LAMTOR1: variants seen among roughly 807,000 people sequenced by gnomAD.
LAMTOR1 encodes the protein late endosomal/lysosomal adaptor, MAPK and MTOR activator 1, also known as ragulator complex protein LAMTOR1.
LAMTOR1 carries 8 observed loss-of-function variants against 20.5 expected under a neutral mutation model. That is an observed-to-expected ratio of 0.39 (90% confidence interval 0.23 to 0.70). The LOEUF (loss-of-function observed/expected upper bound fraction) is 0.70, where lower values mean the gene tolerates loss of function less well. Ranked by LOEUF, LAMTOR1 falls within the 30% of genes least tolerant of loss-of-function variation. LAMTOR1 has a pLI of 0.43. For synonymous variants in LAMTOR1, 77 were observed against 80.9 expected (o/e 0.95, Z 0.26); for missense variants, 135 against 206.2 (o/e 0.65, Z 2.11).
At chr11:72,099,961 G>A (rs535716172) in intron 1 of LAMTOR1, among the ~76,000 whole-genome samples, 1 of 152,140 alleles carries the variant, frequency 6.6e-6, no homozygotes, top group Non-Finnish European at 1.5e-5. Flanking sequence ...GGTGTATCCT[G>A]ATCTGAGCAG....
intron 1 of LAMTOR1, among the ~76,000 whole-genome samples, chr11:72,101,289 G>A (rs559347760): frequency 1.4e-4 from 21 of 152,338 alleles, no homozygotes; most frequent in African/African-American, 4.6e-4. Flanking sequence ...GTCACATCAA[G>A]GTTTGTCTCT....
At chr11:72,101,163 GAAC>G (rs771154874) in intron 1 of LAMTOR1, among the ~76,000 whole-genome samples, 4 of 152,170 alleles carry the variant, frequency 2.6e-5, no homozygotes, top group African/African-American at 4.8e-5. Flanking sequence ...AAGATCAAGT[GAAC>G]AACAAGGTTA....
intron 1 of LAMTOR1, 113 bp downstream of exon 1, chr11:72,103,070 C>G (rs1313773141): frequency 2.2e-6 from 3 of 1,362,472 alleles, no homozygotes; most frequent in South Asian, 2.5e-5. Flanking sequence ...CTCCAGGCCT[C>G]CGTATTCAGT....
intron 1 of LAMTOR1, among the ~76,000 whole-genome samples, chr11:72,100,173 G>A (rs545969999): frequency 4.6e-5 from 7 of 152,242 alleles, no homozygotes; most frequent in South Asian, 2.1e-4. Flanking sequence ...GAAGTGCAAC[G>A]ACTGTATGAA....
At chr11:72,102,558 C>T (rs1003473819) in intron 1 of LAMTOR1, among the ~76,000 whole-genome samples, 8 of 152,220 alleles carry the variant, frequency 5.3e-5, no homozygotes, top group African/African-American at 1.7e-4. Context: ...CTTCCCGCTC[C>T]ATTTCTCTTT....
Position 72,098,366 on chromosome 11 carries a change from G to C in LAMTOR1, c.316C>G (p.Pro106Ala). 1 of 1,612,706 alleles carries C rather than the reference G, an allele frequency of 6.2e-7. No homozygotes were observed. Among genetic ancestry groups the C allele is most frequent in the Non-Finnish European group, 8.5e-7 (1 of 1,179,614 alleles). Residue 106 changes from proline to alanine, a missense_variant, in exon 4 of 5, where the codon CCA becomes GCA. By Grantham distance (27) the Pro-to-Ala change is conservative. Transcript: ENST00000278671. The stretch of plus-strand genomic sequence containing the variant: ...TGGCTGGTAAGAGACGGCAGCGGTG[G>C]CAGCTTCTTCCAATGGGTCAGGCTG... Reference protein sequence around the residue: ...SSSLTHWKKLPPLPSLTSQPH... With the variant: ...SSSLTHWKKLAPLPSLTSQPH...
chr11:72,101,632 G>A (rs1417175623), intron 1 of LAMTOR1, among the ~76,000 whole-genome samples: 1 of 152,212 alleles, frequency 6.6e-6, no homozygotes, highest in Non-Finnish European at 1.5e-5. Context: ...AGACAGAGAT[G>A]AGAGTCGGAG....
At chr11:72,098,890 A>G (rs1945335553) in intron 2 of LAMTOR1, 32 bp from the exon 3 acceptor site, 2 of 1,516,182 alleles carry the variant, frequency 1.3e-6, no homozygotes, top group Non-Finnish European at 1.8e-6. Context: ...ATGACATGAC[A>G]GGTGCTTCCG....
Position 72,097,351 on chromosome 11 carries a change from G to A in LAMTOR1, c.*471C>T, listed in dbSNP as rs953866439. 1 of 995,670 alleles carries A rather than the reference G, an allele frequency of 1.0e-6. No individual in the cohort carries two copies. Among genetic ancestry groups the A allele is most frequent in the Non-Finnish European group, 1.2e-6 (1 of 835,240 alleles). The allele number at this position is 995,670 out of a possible 1,614,324, so 61.7% of individuals were successfully genotyped here. ...ACCAAAACAAAAAAAGACCAAACAT[G>A]TAAAAACCCAGGGTTCTAGAAATAC... On this transcript the variant is annotated 3_prime_UTR_variant, in exon 5 of 5. Coordinates refer to ENST00000278671, the MANE Select transcript of LAMTOR1 (RefSeq NM_017907.3).
rs777446324 is a variant in LAMTOR1 at position 72,099,102 on chromosome 11, G to T, written c.188+9C>A. 34 of 1,610,622 alleles carry T rather than the reference G, an allele frequency of 2.1e-5. No individual in the cohort carries two copies. In the South Asian group the frequency reaches 3.8e-4, roughly 18 times the overall value. On this transcript the variant is annotated intron_variant, in intron 2 of 4. Transcript: ENST00000278671. ...AGCTCTGACCCAGGCCTGGTCCTCT[G>T]ACACTTACCTGGCTGTCTTGGCAAG...
At position 72,099,055 on chromosome 11, in the gene LAMTOR1, T is replaced by C. The variant is rs932886891; in HGVS notation, c.188+56A>G. ...GTCCTGAGCCTGGCTCCTTCTATCC[T>C]AGCCTTTAATATGGATAGAGGAGCT... is the stretch of plus-strand genomic sequence containing the variant. On this transcript the variant is annotated intron_variant, in intron 2 of 4. Coordinates refer to ENST00000278671, the MANE Select transcript of LAMTOR1 (RefSeq NM_017907.3). 51 of 1,603,392 alleles carry C rather than the reference T, an allele frequency of 3.2e-5. No individual in the cohort carries two copies. In the African/African-American group the frequency reaches 5.5e-4, roughly 17 times the overall value.
chr11:72,099,387 CT>C, intron 1 of LAMTOR1, 131 bp from the exon 2 acceptor site: 1 of 990,950 alleles, frequency 1.0e-6, no homozygotes, highest in Non-Finnish European at 1.4e-6. Flanking sequence ...AAGTGCCCAG[CT>C]TTATGGAATG....
chr11:72,099,071 T>C (rs559943473), intron 2 of LAMTOR1, 40 bp downstream of exon 2: 4 of 1,608,956 alleles, frequency 2.5e-6, no homozygotes, highest in African/African-American at 1.3e-5. Flanking sequence ...TTAATATGGA[T>C]AGAGGAGCTC....
chr11:72,098,240 C>T (rs1335808317), intron 4 of LAMTOR1, 49 bp downstream of exon 4: 1 of 1,610,180 alleles, frequency 6.2e-7, no homozygotes, highest in East Asian at 2.2e-5. Flanking sequence ...TCTGCCATAC[C>T]CTGGGCAGTG....
chr11:72,099,262 A>C lies in LAMTOR1; in HGVS notation c.43-6T>G. 10 of 1,553,334 alleles carry C rather than the reference A, an allele frequency of 6.4e-6. No homozygotes were observed. The highest frequency in any genetic ancestry group is 8.7e-6 in the Non-Finnish European group (10 of 1,147,228). On this transcript the variant is annotated splice_polypyrimidine_tract_variant and splice_region_variant and intron_variant, in intron 1 of 4. Transcript: ENST00000278671. ...AGCTTCCGCTCCTCTCGGTCCTAGA[A>C]GTGGTCATGGGAGAGAAGTCAGCCC...
intron 3 of LAMTOR1, 91 bp downstream of exon 3, chr11:72,098,690 C>T: frequency 1.0e-6 from 1 of 1,004,036 alleles, no homozygotes. Context: ...AAATGAGAAG[C>T]TTGGACTAGG....
rs1945309371 is a variant in LAMTOR1, at chr11:72,098,336, G to T, written c.346C>A (p.His116Asn). Residue 116 changes from histidine (H) to asparagine (N), a missense_variant, in exon 4 of 5, where the codon CAC becomes AAC. Transcript: ENST00000278671. ...PPLPSLTSQP[H>N]QVLASEPIPF... ...ATGGGCTCACTGGCCAGCACTTGGT[G>T]GGGCTGGCTGGTAAGAGACGGCAGC... 1 of 1,613,528 alleles carries T rather than the reference G, an allele frequency of 6.2e-7. No homozygotes were observed. The highest frequency in any genetic ancestry group is 1.1e-5 in the South Asian group (1 of 90,914).
intron 2 of LAMTOR1, 52 bp downstream of exon 2, chr11:72,099,059 C>T: frequency 6.2e-7 from 1 of 1,605,762 alleles, no homozygotes; most frequent in Non-Finnish European, 8.5e-7. Context: ...CTATCCTAGC[C>T]TTTAATATGG....
In LAMTOR1 at chr11:72,098,346, G is replaced by A. The variant is rs1232046668; in HGVS notation, c.336C>T (p.Thr112=). ...TGGCCAGCACTTGGTGGGGCTGGCT[G>A]GTAAGAGACGGCAGCGGTGGCAGCT... ...WKKLPPLPSL[T]SQPHQVLASE... Residue 112 remains threonine (T), a synonymous_variant, in exon 4 of 5, where the codon ACC becomes ACT. Coordinates refer to ENST00000278671, the MANE Select transcript of LAMTOR1 (RefSeq NM_017907.3). The A allele has an allele frequency of 1.9e-6, 3 of 1,613,388 alleles. No individual in the cohort carries two copies. Among genetic ancestry groups the A allele is most frequent in the Admixed American group, 1.7e-5 (1 of 59,914 alleles).
Sources: allele counts gnomAD v4.1 joint callset (sites outside exome capture counted in the v4.1 genomes callset), GRCh38; gene constraint gnomAD v4.1.1; transcripts MANE v1.5; gene names NCBI Gene and HGNC (gene_info 2026-07-23, HGNC 2026-07-21).